Variants in CASP10 observed in about 807,000 individuals in gnomAD.
CASP10 encodes caspase 10, also known as caspase-10.
In CASP10, 41 loss-of-function variants were observed where a neutral mutation model predicts 48.5. That is an observed-to-expected ratio of 0.85 (90% CI 0.66 to 1.10). The LOEUF is 1.10. Among genes scored for constraint, CASP10 ranks in the 50% least tolerant of loss-of-function variants. The probability of loss-of-function intolerance (pLI) is 0.00; values close to 1 mark genes in which losing one functional copy is unlikely to be tolerated. For synonymous variants in CASP10, 232 were observed against 238.4 expected (o/e 0.97, Z 0.25); for missense variants, 614 against 614.5 (o/e 1.00, Z 0.01).
Position 201,195,916 on chromosome 2 carries a change from A to C in CASP10, c.652A>C (p.Thr218Pro), listed in dbSNP as rs1944777515. 6.2e-7 allele frequency: 1 copy of C among 1,613,778 alleles called. No individual in the cohort carries two copies. The highest frequency in any genetic ancestry group is 8.5e-7 in the Non-Finnish European group (1 of 1,179,852). The change falls in exon 5 of 10, where the codon ACA becomes CCA. Residue 218 changes from threonine (T) to proline (P), a missense_variant. Coordinates refer to ENST00000286186, the MANE Select transcript of CASP10 (RefSeq NM_032977.4). ...AGGAGAGGAAGAACTAGTTTCCCAA[A>C]CAGATGTTAAGACATTCTTGGAAGC... ...YQGEEELVSQ[T>P]DVKTFLEALP...
At position 201,193,106 on chromosome 2, in the gene CASP10, CAA is replaced by C. The variant is rs751615960; in HGVS notation, c.567_568del (p.Lys192SerfsTer29). On this transcript the variant is annotated frameshift_variant, in exon 4 of 10. Coordinates refer to ENST00000286186, the MANE Select transcript of CASP10 (RefSeq NM_032977.4). LOFTEE classifies it high-confidence loss of function. Reference sequence around the variant, plus strand: ...AACTTTTGAGAAACATAGAGAAATACAAAAGAGAGAAAGGTAAGTAGCTTGTG... The same window carrying C: ...AACTTTTGAGAAACATAGAGAAATACAAGAGAGAAAGGTAAGTAGCTTGTG... ...PKLLRNIEKY[K>X]REKAIQIVTP... The C allele has an allele frequency of 5.0e-6, 8 of 1,613,542 alleles. No homozygotes were observed. The highest frequency in any genetic ancestry group is 5.1e-6 in the Non-Finnish European group (6 of 1,179,724).
At chr2:201,206,167 T>C in intron 7 of CASP10, 194 bp downstream of exon 7, 2 of 510,982 alleles carry the variant, frequency 3.9e-6, no homozygotes, top group Non-Finnish European at 7.0e-6. Context: ...TTTTTCTGTA[T>C]CAATCAGAAG....
At chr2:201,202,700 C>A (rs1410197712) in intron 5 of CASP10, among the ~76,000 whole-genome samples, 1 of 152,200 alleles carries the variant, frequency 6.6e-6, no homozygotes, top group Non-Finnish European at 1.5e-5. Context: ...TGCATTTGTT[C>A]CTGCAGAGCT....
At chr2:201,203,308 CTT>C (rs34064194) in intron 5 of CASP10, among the ~76,000 whole-genome samples, 225 of 133,942 alleles carry the variant, frequency 1.7e-3, no homozygotes, top group African/African-American at 3.4e-3. Context: ...AATGAACTTT[CTT>C]TTTTTTTTTT....
rs1311042383 is a variant in CASP10 at position 201,220,046 on chromosome 2, G to A, written c.*2305G>A. On this transcript the variant is annotated 3_prime_UTR_variant, in exon 10 of 10. Coordinates refer to ENST00000286186, the MANE Select transcript of CASP10 (RefSeq NM_032977.4). Reference sequence around the variant, plus strand: ...TGCATTTATAATTATTTATGTGAAAGTCAAATTCATGTACAGTAAATTTGT... The same window carrying A: ...TGCATTTATAATTATTTATGTGAAAATCAAATTCATGTACAGTAAATTTGT... The A allele has an allele frequency of 1.0e-6, 1 of 985,276 alleles. No individual in the cohort carries two copies. Among genetic ancestry groups the A allele is most frequent in the African/African-American group, 1.7e-5 (1 of 57,238 alleles). The allele number at this position is 985,276 out of a possible 1,614,324, so 61.0% of individuals were successfully genotyped here.
chr2:201,197,376 A>G, intron 5 of CASP10, among the ~76,000 whole-genome samples: 1 of 152,208 alleles, frequency 6.6e-6, no homozygotes, highest in East Asian at 1.9e-4. Flanking sequence ...GCACTTTGAG[A>G]GGCCAAGGCA....
chr2:201,223,031 ATT>A (rs923217235), downstream of CASP10, among the ~76,000 whole-genome samples: 5 of 152,072 alleles, frequency 3.3e-5, no homozygotes, highest in African/African-American at 1.2e-4. Flanking sequence ...CTCCACCTTC[ATT>A]TTTAAGTGCT....
chr2:201,189,292 G>C (rs1241004692), intron 3 of CASP10, among the ~76,000 whole-genome samples: 1 of 146,550 alleles, frequency 6.8e-6, no homozygotes, highest in Non-Finnish European at 1.5e-5. Flanking sequence ...TTTTTGAGAC[G>C]GTGTCTCACT....
chr2:201,211,415 A>G (rs1272210354), intron 9 of CASP10, among the ~76,000 whole-genome samples: 1 of 152,156 alleles, frequency 6.6e-6, no homozygotes, highest in Non-Finnish European at 1.5e-5. Flanking sequence ...TCATCTTTGT[A>G]ATTGCTGTTC....
Position 201,218,829 on chromosome 2 carries a change from T to C in CASP10, c.*1088T>C, listed in dbSNP as rs1203540929. On this transcript the variant is annotated 3_prime_UTR_variant, in exon 10 of 10. Transcript: ENST00000286186. ...CATCTAGTGAGGTGAAAATTTGGTC[T>C]ATGCCAGGCCCATTTCCTGCTTTTG... The C allele has an allele frequency of 2.0e-6, 2 of 985,328 alleles. No homozygotes were observed. The highest frequency in any genetic ancestry group is 2.4e-6 in the Non-Finnish European group (2 of 829,954). 61.0% of individuals were successfully genotyped at this position (985,328 alleles called of 1,614,324 possible).
chr2:201,203,785 C>T lies in CASP10; in HGVS notation c.721+19C>T. The T allele has an allele frequency of 6.3e-7, 1 of 1,599,246 alleles. No homozygotes were observed. On this transcript the variant is annotated intron_variant, in intron 6 of 9. Transcript: ENST00000286186. ...AGTAATGGTAGGTATTTCTAATGTACTTTTTACAACTTAGATCGGTATGGT... is the reference window on the plus strand; with the variant it reads ...AGTAATGGTAGGTATTTCTAATGTATTTTTTACAACTTAGATCGGTATGGT...
chr2:201,217,585 C>A lies in CASP10; in HGVS notation c.1416-3C>A, dbSNP rs1945611761. 6 of 1,610,826 alleles carry A rather than the reference C, an allele frequency of 3.7e-6. No individual in the cohort carries two copies. Among genetic ancestry groups the A allele is most frequent in the Non-Finnish European group, 4.2e-6 (5 of 1,177,020 alleles). On this transcript the variant is annotated splice_polypyrimidine_tract_variant and splice_region_variant and intron_variant, in intron 9 of 9. Coordinates refer to ENST00000286186, the MANE Select transcript of CASP10 (RefSeq NM_032977.4). ...AAAAATTTTGTTTTCTTCTTTGTTGCAGACATGAAGACATCTTATCCATCC... is the reference window on the plus strand; with the variant it reads ...AAAAATTTTGTTTTCTTCTTTGTTGAAGACATGAAGACATCTTATCCATCC...
chr2:201,219,574 C>T lies in CASP10; in HGVS notation c.*1833C>T, dbSNP rs1180468900. ...ATGAGGAGAGAGGCTGTGTCAGAAA[C>T]TGAAGCTGTTCTCAGGATCACTGGG... On this transcript the variant is annotated 3_prime_UTR_variant, in exon 10 of 10. Transcript: ENST00000286186. 1 of 985,442 alleles carries T rather than the reference C, an allele frequency of 1.0e-6. No homozygotes were observed. The highest frequency in any genetic ancestry group is 1.2e-6 in the Non-Finnish European group (1 of 830,024). The allele number at this position is 985,442 out of a possible 1,614,324, so 61.0% of individuals were successfully genotyped here.
At chr2:201,191,622 C>A (rs185083593) in intron 3 of CASP10, among the ~76,000 whole-genome samples, 1 of 152,204 alleles carries the variant, frequency 6.6e-6, no homozygotes, top group Non-Finnish European at 1.5e-5. Flanking sequence ...AAATTACTTA[C>A]CCACCATTGG....
At chr2:201,184,290 CT>C (rs1382828988) in intron 1 of CASP10, among the ~76,000 whole-genome samples, 1 of 152,060 alleles carries the variant, frequency 6.6e-6, no homozygotes, top group African/African-American at 2.4e-5. Context: ...TAAAATCACC[CT>C]TTCCTTCTGA....
rs1167405118 is a variant in CASP10 at position 201,183,280 on chromosome 2, C to G, written c.-36C>G. The stretch of plus-strand genomic sequence containing the variant: ...CAATTTCCCTGAGAACCGTTTACTT[C>G]CAGAAGATTGGTGGAGCTTGATCTG... On this transcript the variant is annotated 5_prime_UTR_variant, in exon 1 of 10. Coordinates refer to ENST00000286186, the MANE Select transcript of CASP10 (RefSeq NM_032977.4). 6.6e-6 allele frequency: 1 copy of G among 152,180 alleles called. No individual in the cohort carries two copies. The highest frequency in any genetic ancestry group is 2.4e-5 in the African/African-American group (1 of 41,440). The allele number at this position is 152,180 out of a possible 1,614,324, so 9.4% of individuals were successfully genotyped here.
chr2:201,213,789 C>T (rs1402755271), intron 9 of CASP10: 1 of 152,160 alleles, frequency 6.6e-6, no homozygotes, highest in Non-Finnish European at 1.5e-5. Flanking sequence ...TACCATGTGG[C>T]TTACGGAGGA....
intron 5 of CASP10, chr2:201,200,572 A>G: frequency 2.5e-6 from 4 of 1,582,202 alleles, no homozygotes; most frequent in Non-Finnish European, 2.6e-6. Flanking sequence ...GACATGACAC[A>G]GAGCCGGGAG....
Position 201,187,602 on chromosome 2 carries a change from G to A in CASP10, c.348-104G>A, listed in dbSNP as rs2126008269. On this transcript the variant is annotated intron_variant, in intron 2 of 9. Transcript: ENST00000286186. The stretch of plus-strand genomic sequence containing the variant: ...GGATTAATAATTGTCTACACATAGA[G>A]TTGATCATTCAAATGACAGAAAACA... 1.3e-5 allele frequency: 11 copies of A among 868,822 alleles called. 1 individual carries two copies. The South Asian group carries it at 1.3e-4, about 10-fold the overall frequency. 53.8% of individuals were successfully genotyped at this position (868,822 alleles called of 1,614,324 possible).
Sources: gnomAD v4.1 joint callset for allele counts (sites outside exome capture counted in the v4.1 genomes callset) on GRCh38, gnomAD v4.1.1 for gene constraint, MANE v1.5 for transcripts, NCBI Gene and HGNC (gene_info 2026-07-23, HGNC 2026-07-21) for gene names.